ZNF609: variants seen among roughly 807,000 people sequenced by gnomAD.
ZNF609 encodes the protein zinc finger protein 609.
A neutral mutation model predicts 109.5 loss-of-function variants in ZNF609; 11 were observed. That is an observed-to-expected ratio of 0.10 (90% CI 0.06 to 0.17). The LOEUF (loss-of-function observed/expected upper bound fraction) is 0.17. Ranked by LOEUF, ZNF609 falls within the 10% of genes least tolerant of loss-of-function variation. The pLI is 1.00. For missense variants in ZNF609, 1,559 were observed against 1,772.4 expected (o/e 0.88, Z 2.16); for synonymous variants, 646 against 662.0 (o/e 0.98, Z 0.37).
chr15:64,499,872 C>T lies in ZNF609; in HGVS notation c.453C>T (p.Arg151=), dbSNP rs201548582. 1.3e-4 allele frequency: 212 copies of T among 1,614,006 alleles called. No individual in the cohort carries two copies. In the East Asian group the frequency reaches 2.4e-3, roughly 18 times the overall value. The change falls in exon 2 of 10, where the codon CGC becomes CGT. Residue 151 remains arginine (R), a synonymous_variant. Transcript: ENST00000326648. The part of the protein sequence containing the change: ...KGSEKAAKAS[R]SVAGSKKEKE... ...CAGAGAAGGCGGCTAAGGCATCCCGCAGTGTAGCCGGTTCCAAAAAGGAGA... is the reference window on the plus strand; with the variant it reads ...CAGAGAAGGCGGCTAAGGCATCCCGTAGTGTAGCCGGTTCCAAAAAGGAGA...
intron 2 of ZNF609, among the ~76,000 whole-genome samples, chr15:64,542,005 GGGC>G (rs1894273759): frequency 6.6e-6 from 1 of 151,804 alleles, no homozygotes; most frequent in Non-Finnish European, 1.5e-5. Flanking sequence ...AGGTTGAGTT[GGGC>G]ATGGTAGTAT....
intron 3 of ZNF609, among the ~76,000 whole-genome samples, chr15:64,650,097 T>C (rs1896391974): frequency 7.2e-6 from 1 of 139,080 alleles, no homozygotes; most frequent in Non-Finnish European, 1.5e-5. Context: ...CTAGGCAACA[T>C]GGTGAGAACC....
At chr15:64,510,650 A>G (rs1418290143) in intron 2 of ZNF609, among the ~76,000 whole-genome samples, 1 of 152,090 alleles carries the variant, frequency 6.6e-6, no homozygotes, top group African/African-American at 2.4e-5. Context: ...GGGGTTTTTG[A>G]ATGTATGTCT....
chr15:64,613,243 C>A (rs1216973096), intron 2 of ZNF609, among the ~76,000 whole-genome samples: 1 of 151,970 alleles, frequency 6.6e-6, no homozygotes. Context: ...ATTGCTTGAG[C>A]CTGAGAGGTC....
In ZNF609 at chr15:64,559,352, A is replaced by T. The variant is rs528085867; in HGVS notation, c.747+59186A>T. The stretch of plus-strand genomic sequence containing the variant: ...GGTTAATCAGGCAGGTGTGGAGGTT[A>T]TGGAAATCCTCAAAGATAAAAAGTG... On this transcript the variant is annotated intron_variant, in intron 2 of 9. Coordinates refer to ENST00000326648, the MANE Select transcript of ZNF609 (RefSeq NM_015042.2). Among the ~76,000 whole-genome samples, 14 of 152,354 alleles carry T rather than the reference A, an allele frequency of 9.2e-5. No homozygotes were observed. The East Asian group carries it at 2.7e-3, about 29-fold the overall frequency.
At chr15:64,542,387 G>A (rs773367730) in intron 2 of ZNF609, among the ~76,000 whole-genome samples, 4 of 152,068 alleles carry the variant, frequency 2.6e-5, no homozygotes, top group African/African-American at 7.2e-5. Flanking sequence ...TCTCTTCCAA[G>A]GCCAATTTTT....
intron 2 of ZNF609, among the ~76,000 whole-genome samples, chr15:64,609,084 CT>C (rs1213261017): frequency 2.1e-4 from 7 of 32,648 alleles, no homozygotes; most frequent in Admixed American, 4.1e-4. Flanking sequence ...TTCTTTCTTT[CT>C]TTCTTTCTTT....
intron 2 of ZNF609, among the ~76,000 whole-genome samples, chr15:64,533,970 G>T (rs1440505949): frequency 3.3e-5 from 5 of 151,242 alleles, no homozygotes; most frequent in Admixed American, 3.3e-4. Flanking sequence ...CCACTGTCAA[G>T]ATTTTGAACA....
At chr15:64,626,687 G>A (rs1464973144) in intron 3 of ZNF609, among the ~76,000 whole-genome samples, 1 of 152,142 alleles carries the variant, frequency 6.6e-6, no homozygotes, top group Non-Finnish European at 1.5e-5. Flanking sequence ...TTGTCCTACA[G>A]TGTTACTTCT....
chr15:64,494,801 A>G, intron 1 of ZNF609, among the ~76,000 whole-genome samples: 1 of 152,176 alleles, frequency 6.6e-6, no homozygotes, highest in South Asian at 2.1e-4. Context: ...CTGGGAGAAC[A>G]GGCATGAGCC....
rs36226491 is a variant in ZNF609, at chr15:64,625,936, T to TAG, written c.973+2917_973+2918dup. Among the ~76,000 whole-genome samples, 318 of 79,564 alleles carry TAG rather than the reference T, an allele frequency of 4.0e-3. 2 individuals carry two copies. The highest frequency in any genetic ancestry group is 0.02 in the South Asian group (35 of 1,784). 52.2% of individuals were successfully genotyped at this position (79,564 alleles called of 152,430 possible). On this transcript the variant is annotated intron_variant, in intron 3 of 9. Transcript: ENST00000326648. ...AAAAATATATATATATATATATATATAGAGAGAGAGAGAGAGAGAGAGAGA... is the reference window on the plus strand; with the variant it reads ...AAAAATATATATATATATATATATATAGAGAGAGAGAGAGAGAGAGAGAGAGA...
At chr15:64,479,338 C>G (rs374510207) in intron 1 of ZNF609, among the ~76,000 whole-genome samples, 22 of 122,182 alleles carry the variant, frequency 1.8e-4, no homozygotes, top group Admixed American at 1.7e-3. Flanking sequence ...GTTGCCCAGG[C>G]TGGAGTGCAG....
At chr15:64,461,908 A>G (rs931649165) in intron 1 of ZNF609, among the ~76,000 whole-genome samples, 10 of 151,900 alleles carry the variant, frequency 6.6e-5, no homozygotes, top group Non-Finnish European at 1.3e-4. Flanking sequence ...TGGGGGAGGG[A>G]GTGCTGGTTT....
At chr15:64,588,110 C>T (rs1386211694) in intron 2 of ZNF609, among the ~76,000 whole-genome samples, 2 of 151,546 alleles carry the variant, frequency 1.3e-5, no homozygotes, top group African/African-American at 4.8e-5. Context: ...TACACTCCAG[C>T]CTGGGCAGTG....
At chr15:64,647,192 T>C (rs374366696) in intron 3 of ZNF609, among the ~76,000 whole-genome samples, 3 of 151,316 alleles carry the variant, frequency 2.0e-5, no homozygotes, top group East Asian at 3.9e-4. Flanking sequence ...TGAAAATACA[T>C]GTTAAGTGAA....
intron 3 of ZNF609, among the ~76,000 whole-genome samples, chr15:64,641,967 T>G (rs1896266328): frequency 6.6e-6 from 1 of 152,174 alleles, no homozygotes; most frequent in African/African-American, 2.4e-5. Flanking sequence ...GTACGTAATT[T>G]GACCCTTCCT....
At chr15:64,617,355 A>G (rs547644755) in intron 2 of ZNF609, among the ~76,000 whole-genome samples, 1 of 151,908 alleles carries the variant, frequency 6.6e-6, no homozygotes, top group South Asian at 2.1e-4. Flanking sequence ...TTAGCCTAGC[A>G]TGGTGGTGCA....
intron 2 of ZNF609, among the ~76,000 whole-genome samples, chr15:64,515,247 T>A (rs1422148753): frequency 6.6e-6 from 1 of 152,200 alleles, no homozygotes; most frequent in Non-Finnish European, 1.5e-5. Flanking sequence ...TGCCTAGAGA[T>A]GACACTGCTG....
intron 2 of ZNF609, among the ~76,000 whole-genome samples, chr15:64,534,386 AC>A (rs1894108135): frequency 6.9e-6 from 1 of 145,766 alleles, no homozygotes; most frequent in Non-Finnish European, 1.5e-5. Flanking sequence ...ATCTGGGCCC[AC>A]TGCTGCAACC....
Sources: allele counts gnomAD v4.1 joint callset (sites outside exome capture counted in the v4.1 genomes callset), GRCh38; gene constraint gnomAD v4.1.1; transcripts MANE v1.5; gene names NCBI Gene and HGNC (gene_info 2026-07-23, HGNC 2026-07-21).